TMEM232: variants seen among roughly 807,000 people sequenced by gnomAD.
TMEM232 encodes the protein transmembrane protein 232.
Under a neutral mutation model 78.8 loss-of-function variants are expected in TMEM232, and 80 were observed. The observed-to-expected ratio is 1.01, with a 90% CI of 0.85 to 1.22. The LOEUF (loss-of-function observed/expected upper bound fraction) is 1.22, where lower values mean the gene tolerates loss of function less well. Ranked by LOEUF, TMEM232 falls within the 50% of genes most tolerant of loss-of-function variation. The pLI is 0.00. For missense variants in TMEM232, 881 were observed against 742.2 expected, an observed-to-expected ratio of 1.19 and a Z score of -2.17; for synonymous variants, 297 against 254.3, an observed-to-expected ratio of 1.17 and a Z score of -1.60.
At chr5:110,417,860 A>C (rs1756306073), downstream of TMEM232, 1 of 152,062 alleles carries the variant, frequency 6.6e-6, no homozygotes, top group Admixed American at 6.5e-5. Context: ...AGGGAAGAAA[A>C]TACCTGATTC....
chr5:110,424,553 A>G (rs187936932), intron 13 of TMEM232, among the ~76,000 whole-genome samples: 2 of 152,298 alleles, frequency 1.3e-5, no homozygotes, highest in Non-Finnish European at 2.9e-5. Context: ...TGTTCAATAT[A>G]AGATTCTTGT....
chr5:110,627,743 T>C, intron 6 of TMEM232, 38 bp downstream of exon 6: 2 of 1,316,408 alleles, frequency 1.5e-6, no homozygotes, highest in Non-Finnish European at 2.1e-6. Context: ...AAATATAACA[T>C]AAAACATTTA....
rs574179701 is a variant in TMEM232, at chr5:110,388,985, G to T, written n.616-932C>A. On this transcript the variant is annotated intron_variant and non_coding_transcript_variant, in intron 4 of 8. Transcript: ENST00000507188. ...ATGAAAGAAGTTGTCTTGGGGCCGG[G>T]TGCAGTGGCTCATGCCTGTAATCCC... 3.2e-4 allele frequency among the ~76,000 whole-genome samples: 49 copies of T among 152,272 alleles called. 1 individual carries two copies. The highest frequency in any genetic ancestry group is 1.1e-3 in the African/African-American group (47 of 41,560).
chr5:110,604,945 C>T (rs531150972), intron 10 of TMEM232, among the ~76,000 whole-genome samples, 164 bp downstream of exon 10: 6 of 152,142 alleles, frequency 3.9e-5, no homozygotes, highest in African/African-American at 1.4e-4. Flanking sequence ...GACAGAGTGA[C>T]ACCTGGCCTC....
At chr5:110,425,284 T>C (rs1028471254) in intron 12 of TMEM232, among the ~76,000 whole-genome samples, 1 of 152,168 alleles carries the variant, frequency 6.6e-6, no homozygotes, top group South Asian at 2.1e-4. Context: ...AAGGGTGGAA[T>C]TGTGGTAGAC....
chr5:110,594,535 C>T (rs1219262979), intron 10 of TMEM232, among the ~76,000 whole-genome samples: 1 of 152,112 alleles, frequency 6.6e-6, no homozygotes, highest in African/African-American at 2.4e-5. Context: ...TTTATGGAGC[C>T]CAGCAAGCCA....
chr5:110,600,335 G>C (rs79989409), intron 10 of TMEM232, among the ~76,000 whole-genome samples: 1 of 152,094 alleles, frequency 6.6e-6, no homozygotes, highest in African/African-American at 2.4e-5. Context: ...AGGAGACAGA[G>C]ACACAAAAAG....
chr5:110,663,928 C>T (rs554373678), intron 2 of TMEM232, among the ~76,000 whole-genome samples: 24 of 152,086 alleles, frequency 1.6e-4, no homozygotes, highest in Admixed American at 1.2e-3. Context: ...CATTTGAGGT[C>T]GAGAATTTGA....
At chr5:110,527,649 G>C (rs939038510) in intron 12 of TMEM232, among the ~76,000 whole-genome samples, 1 of 151,726 alleles carries the variant, frequency 6.6e-6, no homozygotes, top group African/African-American at 2.4e-5. Context: ...CAGGTACAAT[G>C]AACAACAACA....
At chr5:110,486,531 A>C (rs1006292354) in intron 12 of TMEM232, among the ~76,000 whole-genome samples, 2 of 152,102 alleles carry the variant, frequency 1.3e-5, no homozygotes, top group Non-Finnish European at 1.5e-5. Context: ...ATTCTCCTAC[A>C]TGTGGCTAAG....
chr5:110,629,801 C>G (rs549858197), intron 5 of TMEM232, among the ~76,000 whole-genome samples: 18 of 152,200 alleles, frequency 1.2e-4, no homozygotes, highest in Middle Eastern at 3.4e-3. Context: ...ACATATAAAA[C>G]TGTTGCTGCT....
intron 11 of TMEM232, among the ~76,000 whole-genome samples, chr5:110,547,413 C>T (rs72771412): frequency 0.069 from 10,549 of 152,198 alleles, 473 homozygotes; most frequent in Admixed American, 0.11. Flanking sequence ...GAGACCCACA[C>T]AGGTACTAAT....
chr5:110,528,008 T>C (rs2149525977), intron 12 of TMEM232, among the ~76,000 whole-genome samples: 1 of 152,100 alleles, frequency 6.6e-6, no homozygotes, highest in African/African-American at 2.4e-5. Flanking sequence ...CTTAACATTC[T>C]GTGTATGTTA....
intron 1 of TMEM232, among the ~76,000 whole-genome samples, chr5:110,719,319 T>C (rs1460024684): frequency 1.3e-5 from 2 of 152,118 alleles, no homozygotes; most frequent in Middle Eastern, 3.4e-3. Flanking sequence ...GTGTGTAAAA[T>C]TTCAATCTTT....
In TMEM232 at chr5:110,401,283, C is replaced by CTTTTTTTTTTTTT. The variant is rs1278936876; in HGVS notation, n.309-3430_309-3429insAAAAAAAAAAAAA. On this transcript the variant is annotated intron_variant and non_coding_transcript_variant, in intron 2 of 8. Coordinates refer to the TMEM232 transcript ENST00000507188. ...GGCAACTTGACACAGACACAACATT[C>CTTTTTTTTTTTTT]TTTTTTTTTTTGGAGCACTTAAGAT... Among the ~76,000 whole-genome samples the CTTTTTTTTTTTTT allele has an allele frequency of 2.9e-4, 42 of 144,016 alleles. 2 individuals are homozygous for CTTTTTTTTTTTTT. The highest frequency in any genetic ancestry group is 1.0e-3 in the African/African-American group (40 of 38,506). The allele number at this position is 144,016 out of a possible 152,430, so 94.5% of individuals were successfully genotyped here. A position where few individuals can be genotyped will look rare whatever the true frequency, so the allele number is the denominator to read the frequency against.
At chr5:110,392,444 C>T (rs115594464) in intron 3 of TMEM232, among the ~76,000 whole-genome samples, 2 of 152,182 alleles carry the variant, frequency 1.3e-5, no homozygotes, top group African/African-American at 4.8e-5. Context: ...TCAGTTCAGG[C>T]TGTTATGACA....
At chr5:110,490,157 G>GAAAGA (rs1764903678) in intron 12 of TMEM232, among the ~76,000 whole-genome samples, 1 of 140,808 alleles carries the variant, frequency 7.1e-6, no homozygotes, top group Non-Finnish European at 1.5e-5. Context: ...AAGAAAGAAA[G>GAAAGA]AAAGAAAGAA....
At chr5:110,440,776 G>C (rs1010537756) in intron 12 of TMEM232, among the ~76,000 whole-genome samples, 45 of 151,976 alleles carry the variant, frequency 3.0e-4, no homozygotes, top group African/African-American at 1.0e-3. Context: ...CTTGCCTCTG[G>C]TGCTGCTTTT....
intron 12 of TMEM232, among the ~76,000 whole-genome samples, chr5:110,466,883 C>T (rs1433313805): frequency 6.9e-6 from 1 of 144,476 alleles, no homozygotes; most frequent in African/African-American, 2.8e-5. Context: ...CTTAATGTTG[C>T]TTGAACTATA....
Sources: allele counts gnomAD v4.1 joint callset (sites outside exome capture counted in the v4.1 genomes callset), GRCh38; gene constraint gnomAD v4.1.1; transcripts MANE v1.5; gene names NCBI Gene and HGNC (gene_info 2026-07-23, HGNC 2026-07-21).